Variants in CA10 observed in about 807,000 individuals in gnomAD.
CA10 encodes the protein carbonic anhydrase-related protein 10.
Under a neutral mutation model 44.2 loss-of-function variants are expected in CA10, and 14 were observed. That is an observed-to-expected ratio of 0.32 (90% CI 0.21 to 0.50). CA10 has a LOEUF of 0.50. CA10 is among the 20% of genes least tolerant of loss of function. CA10 has a pLI of 0.99. For synonymous variants in CA10, 159 were observed against 141.6 expected, an observed-to-expected ratio of 1.12 and a Z score of -0.87; for missense variants, 350 against 409.7, an observed-to-expected ratio of 0.85 and a Z score of 1.26.
At chr17:51,644,035 C>T (rs1349950423) in intron 6 of CA10, among the ~76,000 whole-genome samples, 2 of 152,166 alleles carry the variant, frequency 1.3e-5, no homozygotes, top group Non-Finnish European at 2.9e-5. Context: ...GGGTGTGGTG[C>T]CTTTACCAGC....
chr17:51,887,064 G>T (rs1980635431), intron 3 of CA10, among the ~76,000 whole-genome samples: 1 of 152,024 alleles, frequency 6.6e-6, no homozygotes, highest in South Asian at 2.1e-4. Context: ...AAAATTCTTG[G>T]CATCCCTAAT....
chr17:51,726,612 C>T (rs1235308330), intron 4 of CA10, among the ~76,000 whole-genome samples: 1 of 152,136 alleles, frequency 6.6e-6, no homozygotes, highest in Admixed American at 6.5e-5. Flanking sequence ...AAATCTGTAG[C>T]ATTATCTGTC....
At chr17:51,971,955 ATTGAT>A (rs1388779571) in intron 2 of CA10, among the ~76,000 whole-genome samples, 2 of 152,078 alleles carry the variant, frequency 1.3e-5, no homozygotes, top group Admixed American at 6.6e-5. Context: ...TTTAGTTTCT[ATTGAT>A]TTATCAGAGT....
intron 3 of CA10, among the ~76,000 whole-genome samples, chr17:51,772,975 T>C (rs935907867): frequency 6.6e-6 from 1 of 152,042 alleles, no homozygotes. Context: ...CACACAACAC[T>C]CACACACAGC....
At chr17:51,783,247 G>T (rs557320419) in intron 3 of CA10, among the ~76,000 whole-genome samples, 9 of 152,188 alleles carry the variant, frequency 5.9e-5, no homozygotes, top group Non-Finnish European at 1.0e-4. Context: ...TTATTGAATG[G>T]CCCATTAGAG....
intron 3 of CA10, among the ~76,000 whole-genome samples, chr17:51,803,116 G>A (rs1906999790): frequency 6.6e-6 from 1 of 152,140 alleles, no homozygotes; most frequent in African/African-American, 2.4e-5. Context: ...GACATCACTT[G>A]AGATCTCCCA....
chr17:51,804,386 C>T (rs540512091), intron 3 of CA10, among the ~76,000 whole-genome samples: 1 of 152,300 alleles, frequency 6.6e-6, no homozygotes, highest in African/African-American at 2.4e-5. Flanking sequence ...GCTTACTGAG[C>T]TCTGAGCAAG....
At chr17:51,841,485 A>C (rs1394435026) in intron 3 of CA10, among the ~76,000 whole-genome samples, 1 of 152,198 alleles carries the variant, frequency 6.6e-6, no homozygotes, top group Non-Finnish European at 1.5e-5. Context: ...TCCACAGGGG[A>C]ATTTCCAAGG....
chr17:52,058,909 A>T (rs1022178483), intron 2 of CA10, among the ~76,000 whole-genome samples: 16 of 152,152 alleles, frequency 1.1e-4, no homozygotes, highest in African/African-American at 3.9e-4. Flanking sequence ...TAAGATCAGG[A>T]GCTGTCATTT....
chr17:52,042,021 A>G (rs1986783035), intron 2 of CA10, among the ~76,000 whole-genome samples: 2 of 151,972 alleles, frequency 1.3e-5, no homozygotes, highest in African/African-American at 2.4e-5. Flanking sequence ...GATTGTTTCC[A>G]TCTCTTGGCT....
chr17:51,895,465 C>A (rs1981028309), intron 3 of CA10, among the ~76,000 whole-genome samples: 1 of 151,366 alleles, frequency 6.6e-6, no homozygotes, highest in East Asian at 1.9e-4. Flanking sequence ...AAAGCAACAA[C>A]AAAATCTTCA....
At chr17:51,712,615 C>G (rs1219091115) in intron 4 of CA10, among the ~76,000 whole-genome samples, 1 of 152,162 alleles carries the variant, frequency 6.6e-6, no homozygotes, top group Non-Finnish European at 1.5e-5. Context: ...TATTGATCTA[C>G]AGAATACACT....
At chr17:52,015,276 A>G (rs1469518550) in intron 2 of CA10, among the ~76,000 whole-genome samples, 2 of 152,102 alleles carry the variant, frequency 1.3e-5, no homozygotes, top group South Asian at 4.1e-4. Flanking sequence ...TGGAACTGAC[A>G]TCATGCCGGG....
At chr17:51,938,013 C>G (rs1293925915) in intron 2 of CA10, among the ~76,000 whole-genome samples, 3 of 152,148 alleles carry the variant, frequency 2.0e-5, no homozygotes, top group Admixed American at 2.0e-4. Flanking sequence ...ATTTAAGCCA[C>G]TGCATCTTCC....
At chr17:51,716,741 A>G (rs932219340) in intron 4 of CA10, among the ~76,000 whole-genome samples, 1 of 152,246 alleles carries the variant, frequency 6.6e-6, no homozygotes, top group Non-Finnish European at 1.5e-5. Flanking sequence ...ACAGGCCTCA[A>G]TAAATGTTGA....
intron 3 of CA10, among the ~76,000 whole-genome samples, chr17:51,821,801 A>T (rs946417646): frequency 1.3e-5 from 2 of 152,174 alleles, no homozygotes; most frequent in Non-Finnish European, 2.9e-5. Flanking sequence ...AGGGCAGAAA[A>T]GCACAGAGCT....
At chr17:51,899,761 T>C (rs1172776520) in intron 3 of CA10, among the ~76,000 whole-genome samples, 1 of 152,056 alleles carries the variant, frequency 6.6e-6, no homozygotes, top group Non-Finnish European at 1.5e-5. Context: ...TCAGGTTAGG[T>C]CTTCTTGTTG....
intron 3 of CA10, among the ~76,000 whole-genome samples, chr17:51,897,275 A>C (rs1009090058): frequency 1.3e-5 from 2 of 151,990 alleles, no homozygotes; most frequent in Non-Finnish European, 2.9e-5. Context: ...CCCAGTTTCA[A>C]TCTTCTGCAT....
intron 3 of CA10, among the ~76,000 whole-genome samples, chr17:51,889,667 A>G (rs933513856): frequency 6.6e-6 from 1 of 152,230 alleles, no homozygotes; most frequent in African/African-American, 2.4e-5. Context: ...ACTAGCTGCT[A>G]GGCTTGCCTA....
Sources: allele counts gnomAD v4.1 joint callset (sites outside exome capture counted in the v4.1 genomes callset), GRCh38; gene constraint gnomAD v4.1.1; transcripts MANE v1.5; gene names NCBI Gene and HGNC (gene_info 2026-07-23, HGNC 2026-07-21).